EPM2A: variants seen among roughly 807,000 people sequenced by gnomAD.
EPM2A encodes the protein EPM2A glucan phosphatase, laforin.
Under a neutral mutation model 26.5 loss-of-function variants are expected in EPM2A, and 21 were observed. The ratio of observed to expected loss-of-function variants is 0.79; its 90% confidence interval spans 0.56 to 1.14. EPM2A has a LOEUF of 1.14. EPM2A is among the 50% of genes most tolerant of loss of function. The pLI is 0.00. For missense variants in EPM2A, 458 were observed against 440.8 expected (o/e 1.04, Z -0.35); for synonymous variants, 217 against 177.6 (o/e 1.22, Z -1.76).
At chr6:145,712,178 G>C (rs1008317016) in intron 1 of EPM2A, among the ~76,000 whole-genome samples, 1 of 152,002 alleles carries the variant, frequency 6.6e-6, no homozygotes. Flanking sequence ...TTTTAAGAAG[G>C]GGTGAGATGA....
intron 4 of EPM2A, among the ~76,000 whole-genome samples, chr6:145,445,229 T>G (rs921684055): frequency 2.6e-5 from 4 of 152,160 alleles, no homozygotes; most frequent in African/African-American, 9.7e-5. Flanking sequence ...GCCTTCTAGA[T>G]TCCCAGAAAT....
chr6:145,480,594 CA>C (rs1266359077), intron 4 of EPM2A, among the ~76,000 whole-genome samples: 1 of 152,094 alleles, frequency 6.6e-6, no homozygotes, highest in African/African-American at 2.4e-5. Context: ...CTGTGATGTA[CA>C]AAAGTGTTTG....
chr6:145,505,426 C>T (rs966206498), intron 2 of EPM2A, among the ~76,000 whole-genome samples: 30 of 151,670 alleles, frequency 2.0e-4, no homozygotes, highest in Admixed American at 7.9e-4. Flanking sequence ...TGTATATATA[C>T]GTACAATTTT....
chr6:145,669,616 AAAATTTCCAG>A (rs1488005106), intron 2 of EPM2A, among the ~76,000 whole-genome samples: 1 of 152,206 alleles, frequency 6.6e-6, no homozygotes, highest in Non-Finnish European at 1.5e-5. Context: ...AACATCATAT[AAAATTTCCAG>A]TCTGCCAAGC....
intron 2 of EPM2A, among the ~76,000 whole-genome samples, chr6:145,574,034 C>T (rs999157761): frequency 3.3e-5 from 5 of 152,202 alleles, no homozygotes; most frequent in Admixed American, 2.0e-4. Context: ...TGGGGAAGTA[C>T]GGGAGAAAGA....
At chr6:145,435,965 T>C (rs1350046060) in intron 4 of EPM2A, among the ~76,000 whole-genome samples, 2 of 152,152 alleles carry the variant, frequency 1.3e-5, no homozygotes, top group Non-Finnish European at 2.9e-5. Flanking sequence ...CCAAAGTCCA[T>C]AGTTTATGTT....
chr6:145,601,310 T>C (rs573234994), intron 2 of EPM2A, among the ~76,000 whole-genome samples: 1 of 152,272 alleles, frequency 6.6e-6, no homozygotes, highest in South Asian at 2.1e-4. Flanking sequence ...TTTTATTTAT[T>C]TGTTTGTGTG....
intron 2 of EPM2A, among the ~76,000 whole-genome samples, chr6:145,529,421 C>G (rs1229369273): frequency 6.6e-6 from 1 of 152,126 alleles, no homozygotes; most frequent in African/African-American, 2.4e-5. Flanking sequence ...AATCACTACC[C>G]TGCTTATTCA....
chr6:145,504,397 A>G (rs1205713785), intron 2 of EPM2A, among the ~76,000 whole-genome samples: 2 of 136,754 alleles, frequency 1.5e-5, no homozygotes, highest in African/African-American at 5.4e-5. Flanking sequence ...CAAATTTACA[A>G]GAAAAAAACA....
At chr6:145,724,066 G>A (rs768514441) in intron 1 of EPM2A, among the ~76,000 whole-genome samples, 96 of 152,202 alleles carry the variant, frequency 6.3e-4, no homozygotes, top group Non-Finnish European at 1.2e-3. Context: ...GAGGCATTCA[G>A]TAAAGAACCC....
chr6:145,702,456 T>C (rs1165437344), intron 1 of EPM2A, among the ~76,000 whole-genome samples: 1 of 151,568 alleles, frequency 6.6e-6, no homozygotes, highest in Non-Finnish European at 1.5e-5. Flanking sequence ...CTGTGTCTGT[T>C]TTCTTATTTG....
intron 1 of EPM2A, among the ~76,000 whole-genome samples, chr6:145,715,649 C>T (rs538377654): frequency 1.4e-4 from 22 of 152,228 alleles, no homozygotes; most frequent in African/African-American, 3.9e-4. Flanking sequence ...ACTCACATTA[C>T]GGGGTGAACT....
At chr6:145,520,881 T>C (rs1366507856) in intron 2 of EPM2A, among the ~76,000 whole-genome samples, 1 of 151,604 alleles carries the variant, frequency 6.6e-6, no homozygotes, top group South Asian at 2.1e-4. Flanking sequence ...ACATGAAGAG[T>C]TGCCATGTTT....
chr6:145,663,047 A>G (rs1233784669), intron 2 of EPM2A, among the ~76,000 whole-genome samples: 2 of 152,202 alleles, frequency 1.3e-5, no homozygotes, highest in African/African-American at 2.4e-5. Flanking sequence ...CATAAAACTT[A>G]GCATGAGGAG....
At chr6:145,397,882 C>T (rs1778426534) in intron 4 of EPM2A, among the ~76,000 whole-genome samples, 3 of 152,112 alleles carry the variant, frequency 2.0e-5, no homozygotes, top group Admixed American at 2.0e-4. Flanking sequence ...AGTACTTAGG[C>T]CCAAGGAAAG....
Position 145,490,577 on chromosome 6 carries a change from C to A in EPM2A, c.555+11945G>T. 2.9e-6 allele frequency: 2 copies of A among 695,004 alleles called. 1 individual carries two copies. The highest frequency in any genetic ancestry group is 2.7e-5 in the South Asian group (2 of 73,478). 43.1% of individuals were successfully genotyped at this position (695,004 alleles called of 1,614,324 possible). A position where few individuals can be genotyped will look rare whatever the true frequency, so the allele number is the denominator to read the frequency against. On this transcript the variant is annotated intron_variant, in intron 4 of 4. Coordinates refer to the EPM2A transcript ENST00000638717. ...TGCTTCTTAGTGACTCCACCTTCTT[C>A]AAGATGGTAACAATTTAGGTGCTGT...
intron 2 of EPM2A, among the ~76,000 whole-genome samples, chr6:145,574,623 GC>G (rs1361097122): frequency 6.6e-6 from 1 of 152,110 alleles, no homozygotes; most frequent in Non-Finnish European, 1.5e-5. Flanking sequence ...GTCTAAAGTG[GC>G]TAATACACTT....
chr6:145,606,211 T>C (rs1327349787), intron 2 of EPM2A, among the ~76,000 whole-genome samples: 1 of 152,128 alleles, frequency 6.6e-6, no homozygotes, highest in African/African-American at 2.4e-5. Flanking sequence ...TTCAGCTACT[T>C]CAGCGCTGTG....
chr6:145,668,981 A>G (rs111924473), intron 2 of EPM2A, among the ~76,000 whole-genome samples: 2 of 152,228 alleles, frequency 1.3e-5, no homozygotes, highest in African/African-American at 4.8e-5. Flanking sequence ...GTGTGTGTAC[A>G]TGCATGTGTG....
Sources: allele counts gnomAD v4.1 joint callset (sites outside exome capture counted in the v4.1 genomes callset), GRCh38; gene constraint gnomAD v4.1.1; transcripts MANE v1.5; gene names NCBI Gene and HGNC (gene_info 2026-07-23, HGNC 2026-07-21).